OGA: variants seen among roughly 807,000 people sequenced by gnomAD.
The protein encoded by OGA is O-GlcNAcase, also known as protein O-GlcNAcase.
A neutral mutation model predicts 102.0 loss-of-function variants in OGA; 21 were observed. The ratio of observed to expected loss-of-function variants is 0.21; its 90% CI spans 0.15 to 0.30. OGA has a LOEUF of 0.30. OGA is among the 10% of genes least tolerant of loss of function. OGA has a pLI of 1.00. For synonymous variants in OGA, 408 were observed against 378.2 expected (o/e 1.08, Z -0.91); for missense variants, 765 against 1,107.8 (o/e 0.69, Z 4.39).
chr10:101,816,036 C>T (rs1025029473), intron 1 of OGA, among the ~76,000 whole-genome samples: 1 of 137,340 alleles, frequency 7.3e-6, no homozygotes, highest in African/African-American at 2.7e-5. Context: ...CTTTGGAAGA[C>T]CGAGGCGGGC....
chr10:101,808,952 A>G (rs539780310), intron 4 of OGA, among the ~76,000 whole-genome samples: 1 of 152,040 alleles, frequency 6.6e-6, no homozygotes, highest in Non-Finnish European at 1.5e-5. Context: ...CCTGGGCGAC[A>G]GAGCAAGACT....
At position 101,810,222 on chromosome 10, in the gene OGA, G is replaced by C; in HGVS notation, c.442C>G (p.Pro148Ala). The C allele has an allele frequency of 3.7e-6, 6 of 1,612,660 alleles. No homozygotes were observed. The highest frequency in any genetic ancestry group is 5.1e-6 in the Non-Finnish European group (6 of 1,178,962). Reference protein sequence around the residue: ...SPGLDITFSNPKEVSTLKRKL... With the variant: ...SPGLDITFSNAKEVSTLKRKL... ...CGTTTCAATGTGGATACTTCCTTGG[G>C]GTTAGAAAAAGTGATATCCAATCCA... Residue 148 changes from proline (P) to alanine (A), a missense_variant, in exon 4 of 16, where the codon CCC becomes GCC. Transcript: ENST00000361464.
At chr10:101,805,786 T>C (rs966354356) in intron 6 of OGA, among the ~76,000 whole-genome samples, 5 of 150,452 alleles carry the variant, frequency 3.3e-5, no homozygotes, top group African/African-American at 4.9e-5. Context: ...AAACCCTGTC[T>C]CTACTAAAAA....
chr10:101,809,605 G>A (rs1191356630), intron 4 of OGA, among the ~76,000 whole-genome samples: 1 of 151,128 alleles, frequency 6.6e-6, no homozygotes, highest in East Asian at 1.9e-4. Flanking sequence ...CAGCTACTCA[G>A]GAGGCTGAGG....
At chr10:101,794,480 A>G (rs957004541) in intron 10 of OGA, among the ~76,000 whole-genome samples, 12 of 152,350 alleles carry the variant, frequency 7.9e-5, no homozygotes, top group Admixed American at 7.2e-4. Context: ...ATCTTGTCAG[A>G]AAACTAAGGT....
At chr10:101,787,652 A>G in intron 14 of OGA, 129 bp from the exon 15 acceptor site, 1 of 724,254 alleles carries the variant, frequency 1.4e-6, no homozygotes, top group South Asian at 1.9e-5. Flanking sequence ...TATCTCACAC[A>G]GGATTATCCT....
chr10:101,810,262 G>A lies in OGA; in HGVS notation c.402C>T (p.Ile134=), dbSNP rs758779693. The change falls in exon 4 of 16, where the codon ATC becomes ATT. Residue 134 remains isoleucine (I), a synonymous_variant. Transcript: ENST00000361464. Reference sequence around the variant, plus strand: ...TATCCAATCCAGGTGAGATCGCATAGATGAACTCTATCTCATATTCTCGTG... The same window carrying A: ...TATCCAATCCAGGTGAGATCGCATAAATGAACTCTATCTCATATTCTCGTG... ...SAAREYEIEF[I]YAISPGLDIT... The A allele has an allele frequency of 1.1e-5, 18 of 1,611,556 alleles. No individual in the cohort carries two copies. The highest frequency in any genetic ancestry group is 1.5e-5 in the Non-Finnish European group (18 of 1,177,736).
At chr10:101,809,002 T>C (rs776409008) in intron 4 of OGA, among the ~76,000 whole-genome samples, 1 of 151,978 alleles carries the variant, frequency 6.6e-6, no homozygotes, top group African/African-American at 2.4e-5. Flanking sequence ...GCCCCCTACA[T>C]TGGACCAAAG....
chr10:101,813,156 T>A (rs41307050), intron 2 of OGA, 29 bp from the exon 3 acceptor site: 74,330 of 1,430,318 alleles, frequency 0.052, 2,244 homozygotes, highest in Middle Eastern at 0.084. Flanking sequence ...TACATATGTA[T>A]AAACAGGCAA....
intron 3 of OGA, among the ~76,000 whole-genome samples, chr10:101,810,832 T>C (rs2065544663): frequency 6.6e-6 from 1 of 152,034 alleles, no homozygotes; most frequent in African/African-American, 2.4e-5. Context: ...ACCTCCTGAG[T>C]AGGTGGGATT....
intron 14 of OGA, among the ~76,000 whole-genome samples, chr10:101,789,640 C>CT (rs1166107455): frequency 6.6e-6 from 1 of 151,994 alleles, no homozygotes; most frequent in African/African-American, 2.4e-5. Flanking sequence ...ATCTTATTTA[C>CT]TGTGCATAAA....
At chr10:101,795,382 T>C (rs919442460) in intron 10 of OGA, among the ~76,000 whole-genome samples, 2 of 152,232 alleles carry the variant, frequency 1.3e-5, no homozygotes, top group Admixed American at 6.5e-5. Context: ...ACCTCACAGA[T>C]AGAACCTTGC....
chr10:101,792,816 T>C (rs775017700), intron 12 of OGA, 23 bp downstream of exon 12: 29 of 1,509,242 alleles, frequency 1.9e-5, no homozygotes, highest in Non-Finnish European at 2.6e-5. Context: ...ATACACCAAG[T>C]TGGTAGGTAG....
rs934882784 is a variant in OGA, at chr10:101,788,751, A to T, written c.2455-1228T>A. On this transcript the variant is annotated intron_variant, in intron 14 of 15. Coordinates refer to ENST00000361464, the MANE Select transcript of OGA (RefSeq NM_012215.5). Reference sequence around the variant, plus strand: ...CTCCGTCTCAAAAAAAAAAAAAAAAATTTTGTCTAAATGCTATGTGGTATT... The same window carrying T: ...CTCCGTCTCAAAAAAAAAAAAAAAATTTTTGTCTAAATGCTATGTGGTATT... Among the ~76,000 whole-genome samples the T allele has an allele frequency of 4.1e-4, 63 of 151,902 alleles. 1 individual carries two copies. The highest frequency in any genetic ancestry group is 1.1e-3 in the African/African-American group (44 of 41,480).
At chr10:101,815,230 A>AT (rs2065606214) in intron 1 of OGA, among the ~76,000 whole-genome samples, 1 of 152,142 alleles carries the variant, frequency 6.6e-6, no homozygotes, top group South Asian at 2.1e-4. Context: ...TAACTGTAGC[A>AT]CTTTCATCTG....
chr10:101,806,178 T>G, intron 5 of OGA, 35 bp from the exon 6 acceptor site: 1 of 1,290,854 alleles, frequency 7.7e-7, no homozygotes, highest in Non-Finnish European at 1.1e-6. Context: ...AAGTCAGAAT[T>G]AAAATGCTCA....
intron 12 of OGA, among the ~76,000 whole-genome samples, chr10:101,791,915 CT>C (rs1225815444): frequency 2.0e-5 from 3 of 152,198 alleles, no homozygotes; most frequent in Admixed American, 6.5e-5. Context: ...CAACCTCCGC[CT>C]CTCAGGCTCA....
chr10:101,815,961 GAGAAAAAAAAAAAAA>G (rs1222975735), intron 1 of OGA, among the ~76,000 whole-genome samples: 22 of 23,790 alleles, frequency 9.2e-4, no homozygotes, highest in African/African-American at 2.9e-3. Flanking sequence ...ATCAAAAAGA[GAGAAAAAAAAAAAAA>G]AAAAAAAAAA....
chr10:101,807,922 AG>A, intron 4 of OGA, 21 bp from the exon 5 acceptor site: 2 of 1,465,036 alleles, frequency 1.4e-6, no homozygotes, highest in Non-Finnish European at 1.8e-6. Context: ...AAAAAAAAAA[AG>A]AATCAAGAGT....
Sources: allele counts gnomAD v4.1 joint callset (sites outside exome capture counted in the v4.1 genomes callset), GRCh38; gene constraint gnomAD v4.1.1; transcripts MANE v1.5; gene names NCBI Gene and HGNC (gene_info 2026-07-23, HGNC 2026-07-21).